VTI1A: variants seen among roughly 807,000 people sequenced by gnomAD.
VTI1A encodes vesicle transport through interaction with t-SNAREs homolog 1A.
A neutral mutation model predicts 34.9 loss-of-function variants in VTI1A; 22 were observed. That is an observed-to-expected ratio of 0.63 (90% confidence interval 0.45 to 0.90). VTI1A has a LOEUF of 0.90. Ranked by LOEUF, VTI1A falls within the 40% of genes least tolerant of loss-of-function variation. The pLI, the probability that VTI1A is intolerant of heterozygous loss-of-function variation, is 0.00. For synonymous variants in VTI1A, 87 were observed against 97.3 expected (o/e 0.89, Z 0.62); for missense variants, 268 against 275.6 (o/e 0.97, Z 0.20).
chr10:112,692,507 C>G (rs1178024261), intron 7 of VTI1A, among the ~76,000 whole-genome samples: 1 of 152,100 alleles, frequency 6.6e-6, no homozygotes, highest in Non-Finnish European at 1.5e-5. Context: ...TTTGATTTAC[C>G]CACACTGACC....
chr10:112,594,339 G>C (rs1280222898), intron 5 of VTI1A, among the ~76,000 whole-genome samples: 1 of 152,120 alleles, frequency 6.6e-6, no homozygotes, highest in Non-Finnish European at 1.5e-5. Context: ...AGGAAATAAA[G>C]GGTATTCAAT....
intron 3 of VTI1A, among the ~76,000 whole-genome samples, chr10:112,505,051 C>T (rs930815664): frequency 6.6e-6 from 1 of 151,646 alleles, no homozygotes; most frequent in African/African-American, 2.4e-5. Flanking sequence ...TGTACTTTTC[C>T]AGTTTATTAT....
intron 7 of VTI1A, among the ~76,000 whole-genome samples, chr10:112,719,873 A>G (rs1050789164): frequency 3.3e-5 from 5 of 152,274 alleles, no homozygotes; most frequent in Non-Finnish European, 7.4e-5. Context: ...TATCACCGCA[A>G]AAAGAAATCT....
At chr10:112,806,934 A>G (rs972340285) in intron 7 of VTI1A, among the ~76,000 whole-genome samples, 5 of 152,190 alleles carry the variant, frequency 3.3e-5, no homozygotes, top group African/African-American at 1.2e-4. Flanking sequence ...GTTTTGTGAA[A>G]TGAGTGTTGT....
Position 112,662,281 on chromosome 10 carries a change from G to A in VTI1A, c.428-5937G>A, listed in dbSNP as rs187951630. Among the ~76,000 whole-genome samples the A allele has an allele frequency of 1.0e-3, 152 of 152,078 alleles. 1 individual carries two copies. The highest frequency in any genetic ancestry group is 3.6e-3 in the African/African-American group (148 of 41,480). On this transcript the variant is annotated intron_variant, in intron 5 of 7. Transcript: ENST00000393077. Reference sequence around the variant, plus strand: ...TGTCTCTAATAATCTCTTTTTCTGGGAGTCTAATAACATGTATGTAAGACC... The same window carrying A: ...TGTCTCTAATAATCTCTTTTTCTGGAAGTCTAATAACATGTATGTAAGACC...
At chr10:112,581,115 G>T (rs922154439) in intron 5 of VTI1A, among the ~76,000 whole-genome samples, 1 of 152,160 alleles carries the variant, frequency 6.6e-6, no homozygotes, top group African/African-American at 2.4e-5. Flanking sequence ...TTCCAGTTAG[G>T]TCACCCCGTG....
chr10:112,828,853 G>GA, the VTI1A span, among the ~76,000 whole-genome samples: 1,509 of 108,964 alleles, frequency 0.014, 29 homozygotes, highest in African/African-American at 0.036. Flanking sequence ...TCTCAAAAAA[G>GA]AAAAAAAAAA....
chr10:112,523,527 C>A (rs948352437), intron 3 of VTI1A, among the ~76,000 whole-genome samples: 2 of 152,040 alleles, frequency 1.3e-5, no homozygotes, highest in African/African-American at 4.8e-5. Flanking sequence ...TTTACACAAA[C>A]ACACAATTAA....
intron 7 of VTI1A, among the ~76,000 whole-genome samples, chr10:112,705,740 A>G (rs1417936675): frequency 1.3e-5 from 2 of 152,184 alleles, no homozygotes; most frequent in African/African-American, 2.4e-5. Flanking sequence ...GACTGAGTCA[A>G]TGCACAGTAC....
intron 1 of VTI1A, among the ~76,000 whole-genome samples, chr10:112,453,826 G>A (rs556964219): frequency 4.9e-4 from 74 of 152,304 alleles, no homozygotes; most frequent in South Asian, 8.3e-4. Context: ...GATCTGGACA[G>A]TAGGTGTGCA....
intron 7 of VTI1A, among the ~76,000 whole-genome samples, chr10:112,691,837 A>T (rs1182963594): frequency 2.0e-5 from 3 of 152,304 alleles, no homozygotes; most frequent in South Asian, 2.1e-4. Flanking sequence ...CCTTGAATGG[A>T]TGGATTCAGA....
At chr10:112,671,343 T>C (rs1287799782) in intron 7 of VTI1A, among the ~76,000 whole-genome samples, 2 of 152,228 alleles carry the variant, frequency 1.3e-5, no homozygotes, top group African/African-American at 4.8e-5. Flanking sequence ...GGAAATGTTA[T>C]GTTATTGAAT....
chr10:112,628,161 A>C (rs1845993858), intron 5 of VTI1A, among the ~76,000 whole-genome samples: 1 of 152,200 alleles, frequency 6.6e-6, no homozygotes, highest in African/African-American at 2.4e-5. Context: ...GATCTAAATT[A>C]TTTCCTAGTG....
rs570999922 is a variant in VTI1A at position 112,695,936 on chromosome 10, T to A, written c.560+26938T>A. ...GTTAGATGAAACGTGTAAGTTGTTA[T>A]GTAAGATTTGCTAAGCACCTTATTA... is the stretch of plus-strand genomic sequence containing the variant. On this transcript the variant is annotated intron_variant, in intron 7 of 7. Coordinates refer to ENST00000393077, the MANE Select transcript of VTI1A (RefSeq NM_145206.4). Among the ~76,000 whole-genome samples the A allele has an allele frequency of 2.0e-5, 3 of 152,338 alleles. No individual in the cohort carries two copies. The South Asian group carries it at 6.2e-4, about 32-fold the overall frequency.
chr10:112,799,263 A>T (rs1364546232), intron 7 of VTI1A, among the ~76,000 whole-genome samples: 1 of 152,010 alleles, frequency 6.6e-6, no homozygotes, highest in Non-Finnish European at 1.5e-5. Flanking sequence ...TCTTCCTTTT[A>T]ATTTCTTCCT....
chr10:112,588,484 T>A (rs1844248749), intron 5 of VTI1A, among the ~76,000 whole-genome samples: 2 of 152,244 alleles, frequency 1.3e-5, no homozygotes, highest in African/African-American at 4.8e-5. Context: ...GAAAATATTA[T>A]GTTGTAACAT....
chr10:112,764,932 A>C (rs1851596173), intron 7 of VTI1A, among the ~76,000 whole-genome samples: 1 of 152,216 alleles, frequency 6.6e-6, no homozygotes, highest in Non-Finnish European at 1.5e-5. Flanking sequence ...TTAATGACTA[A>C]GGGTGGCATT....
At chr10:112,507,253 T>C (rs1455396504) in intron 3 of VTI1A, among the ~76,000 whole-genome samples, 1 of 152,130 alleles carries the variant, frequency 6.6e-6, no homozygotes, top group Non-Finnish European at 1.5e-5. Flanking sequence ...GATCTCTTTC[T>C]GCTTTTCAGC....
At chr10:112,639,372 T>A (rs1846481122) in intron 5 of VTI1A, among the ~76,000 whole-genome samples, 1 of 152,196 alleles carries the variant, frequency 6.6e-6, no homozygotes, top group African/African-American at 2.4e-5. Flanking sequence ...ATGAATCACA[T>A]AGACAATTAC....
Sources: gnomAD v4.1 joint callset for allele counts (sites outside exome capture counted in the v4.1 genomes callset) on GRCh38, gnomAD v4.1.1 for gene constraint, MANE v1.5 for transcripts, NCBI Gene and HGNC (gene_info 2026-07-23, HGNC 2026-07-21) for gene names.